PARD3B: variants seen among roughly 807,000 people sequenced by gnomAD.
The protein encoded by PARD3B is par-3 family cell polarity regulator beta, also known as partitioning defective 3 homolog B.
A neutral mutation model predicts 130.2 loss-of-function variants in PARD3B; 103 were observed. That is an observed-to-expected ratio of 0.79 (90% confidence interval 0.67 to 0.93). PARD3B has a LOEUF of 0.93. Ranked by LOEUF, PARD3B falls within the 40% of genes least tolerant of loss-of-function variation. PARD3B has a pLI of 0.00. For synonymous variants in PARD3B, 583 were observed against 553.2 expected (o/e 1.05, Z -0.76); for missense variants, 1,609 against 1,499.2 (o/e 1.07, Z -1.21).
rs1288215077 is a variant in PARD3B, at chr2:204,787,219, T to G, written c.222+100937T>G. 4.6e-5 allele frequency among the ~76,000 whole-genome samples: 7 copies of G among 152,138 alleles called. No homozygotes were observed. The East Asian group carries it at 1.4e-3, about 29-fold the overall frequency. Reference sequence around the variant, plus strand: ...CACTTCACCTGGGGCATGTTTGACTTGCTGCCCCAGGGCTACCTTGGCACT... The same window carrying G: ...CACTTCACCTGGGGCATGTTTGACTGGCTGCCCCAGGGCTACCTTGGCACT... On this transcript the variant is annotated intron_variant, in intron 2 of 22. Coordinates refer to ENST00000406610, the MANE Select transcript of PARD3B (RefSeq NM_001302769.2).
intron 19 of PARD3B, among the ~76,000 whole-genome samples, chr2:205,406,744 C>T (rs1370198351): frequency 2.8e-5 from 4 of 144,176 alleles, no homozygotes; most frequent in Non-Finnish European, 6.0e-5. Context: ...GATCTCGGCT[C>T]ACTGCAACCT....
At chr2:205,566,760 T>A (rs1471938139) in intron 22 of PARD3B, among the ~76,000 whole-genome samples, 3 of 152,116 alleles carry the variant, frequency 2.0e-5, no homozygotes, top group African/African-American at 7.2e-5. Flanking sequence ...GATGATGTAA[T>A]AAACCACAGA....
At chr2:204,721,721 C>A (rs748779600) in intron 2 of PARD3B, among the ~76,000 whole-genome samples, 12 of 151,902 alleles carry the variant, frequency 7.9e-5, no homozygotes, top group Non-Finnish European at 1.3e-4. Context: ...TAGTCAGTAT[C>A]CTTTTGGCCA....
chr2:205,553,886 T>C (rs749553360), intron 22 of PARD3B, among the ~76,000 whole-genome samples: 1 of 152,028 alleles, frequency 6.6e-6, no homozygotes, highest in Non-Finnish European at 1.5e-5. Flanking sequence ...AAGCAAATAT[T>C]GCTGAGAGGC....
At chr2:204,734,142 A>G (rs937146275) in intron 2 of PARD3B, among the ~76,000 whole-genome samples, 1 of 152,174 alleles carries the variant, frequency 6.6e-6, no homozygotes, top group South Asian at 2.1e-4. Context: ...CAAAAAAGAT[A>G]GACACATAAA....
Position 205,185,016 on chromosome 2 carries a change from A to G in PARD3B, c.1925-748A>G, listed in dbSNP as rs889197108. On this transcript the variant is annotated intron_variant, in intron 13 of 22. Coordinates refer to ENST00000406610, the MANE Select transcript of PARD3B (RefSeq NM_001302769.2). ...TATGGTTAGTAATTATGAGCATTCA[A>G]TGAAATAATATACAAGGCTTAATAT... Among the ~76,000 whole-genome samples, 4 of 152,314 alleles carry G rather than the reference A, an allele frequency of 2.6e-5. No homozygotes were observed. In the East Asian group the frequency reaches 5.8e-4, roughly 22 times the overall value.
intron 2 of PARD3B, among the ~76,000 whole-genome samples, chr2:204,921,080 G>A (rs1280892335): frequency 6.6e-6 from 1 of 152,146 alleles, no homozygotes; most frequent in Non-Finnish European, 1.5e-5. Context: ...AGATAAGTGA[G>A]GCTAAAGTGG....
intron 21 of PARD3B, among the ~76,000 whole-genome samples, chr2:205,534,644 T>C (rs1231697188): frequency 2.0e-5 from 3 of 152,094 alleles, no homozygotes; most frequent in African/African-American, 7.2e-5. Flanking sequence ...AATTTTTGTA[T>C]TGTTAGCAGA....
At chr2:204,643,593 A>G (rs1287469405) in intron 1 of PARD3B, among the ~76,000 whole-genome samples, 1 of 152,082 alleles carries the variant, frequency 6.6e-6, no homozygotes, top group Non-Finnish European at 1.5e-5. Flanking sequence ...GTCTTAAAAC[A>G]TTATGAGATT....
At chr2:204,719,789 A>AT (rs35042656) in intron 2 of PARD3B, among the ~76,000 whole-genome samples, 47,638 of 152,104 alleles carry the variant, frequency 0.31, 10,329 homozygotes, top group African/African-American at 0.62. Context: ...TAGGTAAATA[A>AT]TACCTTTCAC....
intron 2 of PARD3B, among the ~76,000 whole-genome samples, chr2:204,946,458 A>ATT (rs34604112): frequency 6.6e-6 from 1 of 151,726 alleles, no homozygotes; most frequent in African/African-American, 2.4e-5. Flanking sequence ...CTTTCTTTCC[A>ATT]TTTTTTCTGT....
At chr2:205,556,913 A>G (rs2052913895) in intron 22 of PARD3B, among the ~76,000 whole-genome samples, 1 of 151,978 alleles carries the variant, frequency 6.6e-6, no homozygotes, top group Non-Finnish European at 1.5e-5. Context: ...GCCGCTCGCA[A>G]TTCTCCCAGG....
chr2:204,998,358 ATGTGTGTGTGTGTGTG>A lies in PARD3B; in HGVS notation c.394+33037_394+33052del, dbSNP rs59323700. On this transcript the variant is annotated intron_variant, in intron 3 of 22. Coordinates refer to ENST00000406610, the MANE Select transcript of PARD3B (RefSeq NM_001302769.2). ...TATATATATATATATATATATATAT[ATGTGTGTGTGTGTGTG>A]TATATATGTGTGTGTATATATGTAT... Among the ~76,000 whole-genome samples the A allele has an allele frequency of 9.3e-3, 645 of 69,346 alleles. 9 individuals carry two copies. The highest frequency in any genetic ancestry group is 0.011 in the Non-Finnish European group (434 of 38,182). 45.5% of individuals were successfully genotyped at this position (69,346 alleles called of 152,430 possible).
intron 15 of PARD3B, among the ~76,000 whole-genome samples, chr2:205,237,087 CTTTGTTTG>C (rs542158879): frequency 3.9e-5 from 6 of 151,954 alleles, no homozygotes; most frequent in East Asian, 1.9e-4. Context: ...TGCTTAAACC[CTTTGTTTG>C]TTTGTTTGTT....
intron 3 of PARD3B, among the ~76,000 whole-genome samples, chr2:205,034,123 A>T (rs1349731056): frequency 1.3e-5 from 2 of 152,060 alleles, no homozygotes; most frequent in African/African-American, 4.8e-5. Flanking sequence ...CCTTTTCATG[A>T]CCTCCAAAGT....
chr2:204,607,636 T>G (rs2033775694), intron 1 of PARD3B, among the ~76,000 whole-genome samples: 1 of 151,954 alleles, frequency 6.6e-6, no homozygotes, highest in Non-Finnish European at 1.5e-5. Flanking sequence ...AAAAAAAGGA[T>G]TATACAGTGG....
At chr2:205,608,239 T>C (rs2055089226) in intron 22 of PARD3B, among the ~76,000 whole-genome samples, 1 of 152,158 alleles carries the variant, frequency 6.6e-6, no homozygotes, top group Admixed American at 6.5e-5. Flanking sequence ...ATCAGGACCT[T>C]ACACTGTTGA....
At chr2:205,273,988 CCAT>C (rs910816272) in intron 16 of PARD3B, among the ~76,000 whole-genome samples, 2 of 152,112 alleles carry the variant, frequency 1.3e-5, no homozygotes, top group Non-Finnish European at 2.9e-5. Context: ...GCACACACCA[CCAT>C]GAGTGTGTGT....
rs114340442 is a variant in PARD3B, at chr2:205,236,779, C to T, written c.2141-8999C>T. Among the ~76,000 whole-genome samples, 979 of 152,246 alleles carry T rather than the reference C, an allele frequency of 6.4e-3. 13 individuals are homozygous for T. Among genetic ancestry groups the T allele is most frequent in the African/African-American group, 0.022 (923 of 41,532 alleles). ...TAACCATATGATCATATGGTGGACA[C>T]ATCACGTTACTGACATCACTGATCA... is the stretch of plus-strand genomic sequence containing the variant. On this transcript the variant is annotated intron_variant, in intron 15 of 22. Transcript: ENST00000406610.
Sources: gnomAD v4.1 joint callset for allele counts (sites outside exome capture counted in the v4.1 genomes callset) on GRCh38, gnomAD v4.1.1 for gene constraint, MANE v1.5 for transcripts, NCBI Gene and HGNC (gene_info 2026-07-23, HGNC 2026-07-21) for gene names.